SHANK1: variants seen among roughly 807,000 people sequenced by gnomAD.
SHANK1 encodes the protein SH3 and multiple ankyrin repeat domains protein 1.
A neutral mutation model predicts 165.6 loss-of-function variants in SHANK1; 35 were observed. That is an observed-to-expected ratio of 0.21 (90% CI 0.16 to 0.28). SHANK1 has a LOEUF of 0.28. SHANK1 is among the 10% of genes least tolerant of loss of function. The probability of loss-of-function intolerance (pLI) is 1.00; values close to 1 mark genes in which losing one functional copy is unlikely to be tolerated. For missense variants in SHANK1, 2,681 were observed against 3,036.4 expected (o/e 0.88, Z 2.75); for synonymous variants, 1,428 against 1,384.8 (o/e 1.03, Z -0.69).
rs894516720 is a variant in SHANK1 at position 50,666,526 on chromosome 19, C to A, written c.5434G>T (p.Ala1812Ser). 8 of 1,587,514 alleles carry A rather than the reference C, an allele frequency of 5.0e-6. No individual in the cohort carries two copies. Among genetic ancestry groups the A allele is most frequent in the Non-Finnish European group, 6.8e-6 (8 of 1,169,962 alleles). ...ACSGPPTAGVAGGPVAVEPEV... is the reference protein window; with the variant it reads ...ACSGPPTAGVSGGPVAVEPEV... ...GGCTCTACAGCCACCGGACCCCCCG[C>A]CACGCCTGCCGTGGGGGGTCCTGAA... The change falls in exon 23 of 24, where the codon GCG (alanine) becomes TCG (serine). Residue 1812 changes from alanine (A) to serine (S), a missense_variant. Transcript: ENST00000293441.
In SHANK1 at chr19:50,702,764, G is replaced by T; in HGVS notation, c.1554-104C>A. 1.4e-6 allele frequency: 1 copy of T among 719,476 alleles called. No individual in the cohort carries two copies. The highest frequency in any genetic ancestry group is 2.2e-6 in the Non-Finnish European group (1 of 448,228). 44.6% of individuals were successfully genotyped at this position (719,476 alleles called of 1,614,324 possible). A position where few individuals can be genotyped will look rare whatever the true frequency, so the allele number is the denominator to read the frequency against. On this transcript the variant is annotated intron_variant, in intron 11 of 23. Transcript: ENST00000293441. The surrounding 1 kb of genome is among the most constrained non-coding windows in gnomAD (Gnocchi z 5.3). ...GGGAAGAGGACGGTGCATCAGGGGG[G>T]AGGGGGGGTTTCCCAGCACTGGCGT...
intron 21 of SHANK1, among the ~76,000 whole-genome samples, chr19:50,679,067 A>G (rs186681878): frequency 0.021 from 83 of 4,036 alleles, no homozygotes; most frequent in African/African-American, 0.067. Flanking sequence ...AGGGGTCAAG[A>G]TGATGGGGAG....
Position 50,666,590 on chromosome 19 carries a change from T to C in SHANK1, c.5370A>G (p.Thr1790=). ...VTPTSPTVSV[T]GAGTDGLLAL... is the part of the protein sequence containing the mutation. Reference sequence around the variant, plus strand: ...CCAGCAGCCCATCGGTTCCAGCCCCTGTCACCGAGACGGTGGGGCTGGTGG... The same window carrying C: ...CCAGCAGCCCATCGGTTCCAGCCCCCGTCACCGAGACGGTGGGGCTGGTGG... Residue 1790 remains threonine, a synonymous_variant, in exon 23 of 24, where the codon ACA becomes ACG. Transcript: ENST00000293441. 6.2e-7 allele frequency: 1 copy of C among 1,601,028 alleles called. No homozygotes were observed. Among genetic ancestry groups the C allele is most frequent in the East Asian group, 2.2e-5 (1 of 44,522 alleles).
intron 21 of SHANK1, among the ~76,000 whole-genome samples, chr19:50,673,055 C>T (rs561707794): frequency 7.4e-4 from 112 of 152,218 alleles, no homozygotes; most frequent in Non-Finnish European, 4.9e-4. Context: ...GTCCTGGACT[C>T]GCCCAGTCCG....
rs1985755086 is a variant in SHANK1 at position 50,670,626 on chromosome 19, T to A, written c.2675-1341A>T. ...TCGGGACCCTGTCCCCCCACTGCCCTCATGTCCAGTGCTCACTTGGCCCCT... is the reference window on the plus strand; with the variant it reads ...TCGGGACCCTGTCCCCCCACTGCCCACATGTCCAGTGCTCACTTGGCCCCT... On this transcript the variant is annotated intron_variant, in intron 22 of 23. Coordinates refer to ENST00000293441, the MANE Select transcript of SHANK1 (RefSeq NM_016148.5). The surrounding 1 kb of genome is among the most constrained non-coding windows in gnomAD (Gnocchi z 4.1). Among the ~76,000 whole-genome samples, 1 of 147,644 alleles carries A rather than the reference T, an allele frequency of 6.8e-6. No homozygotes were observed. The highest frequency in any genetic ancestry group is 1.5e-5 in the Non-Finnish European group (1 of 65,944).
chr19:50,711,333 G>A (rs2089007502), intron 8 of SHANK1, 38 bp downstream of exon 8: 1 of 1,426,730 alleles, frequency 7.0e-7, no homozygotes, highest in Non-Finnish European at 9.7e-7. Flanking sequence ...CGGCTATCGG[G>A]GATGTGAGGG....
rs901986560 is a variant in SHANK1 at position 50,713,715 on chromosome 19, C to T, written c.792+83G>A. ...TGAGAGGGCCTATTTTTAACTGAAA[C>T]CAAAGAACTGAGGTTTGAGAAAGAA... On this transcript the variant is annotated intron_variant, in intron 6 of 23. Transcript: ENST00000293441. This position sits in a 1 kb window ranked among gnomAD's most constrained non-coding sequence, Gnocchi z 6.2. 1.9e-5 allele frequency: 29 copies of T among 1,558,628 alleles called. No homozygotes were observed. The African/African-American group carries it at 3.5e-4, about 19-fold the overall frequency.
intron 12 of SHANK1, among the ~76,000 whole-genome samples, chr19:50,698,375 T>G (rs1986805984): frequency 6.6e-6 from 1 of 152,146 alleles, no homozygotes; most frequent in Non-Finnish European, 1.5e-5. Flanking sequence ...CAAAGTCTCC[T>G]TGCCACTTAA....
chr19:50,680,624 C>G (rs1986145587), intron 21 of SHANK1, among the ~76,000 whole-genome samples: 1 of 151,858 alleles, frequency 6.6e-6, no homozygotes, highest in South Asian at 2.1e-4. Context: ...GGGTTGAAAT[C>G]TCCCAGTTTC....
At chr19:50,696,312 C>T (rs1302132851) in intron 15 of SHANK1, among the ~76,000 whole-genome samples, 10 of 152,130 alleles carry the variant, frequency 6.6e-5, no homozygotes, top group African/African-American at 9.7e-5. Context: ...GAGCAGGAGA[C>T]GCGCCAGGCA....
chr19:50,672,999 G>T (rs531300350), intron 21 of SHANK1, among the ~76,000 whole-genome samples: 1 of 152,192 alleles, frequency 6.6e-6, no homozygotes, highest in African/African-American at 2.4e-5. Flanking sequence ...ACCCACTGCT[G>T]GGAGGGTCAC....
Position 50,703,584 on chromosome 19 carries a change from C to A in SHANK1, c.1469G>T (p.Ser490Ile). The A allele has an allele frequency of 6.4e-7, 1 of 1,558,600 alleles. No individual in the cohort carries two copies. Among genetic ancestry groups the A allele is most frequent in the Middle Eastern group, 1.7e-4 (1 of 5,856 alleles). The change falls in exon 11 of 24, where the codon AGC (serine) becomes ATC (isoleucine). Residue 490 changes from serine to isoleucine, a missense_variant. Coordinates refer to ENST00000293441, the MANE Select transcript of SHANK1 (RefSeq NM_016148.5). ...GCGGGCCCTGGCACCCCGGGGGCTG[C>A]TGGCACTTCGGAGGGTCCCGCTGCT... The part of the protein sequence containing the change: ...KLSSGTLRSA[S>I]SPRGARARSP...
At position 50,667,786 on chromosome 19, in the gene SHANK1, G is replaced by A; in HGVS notation, c.4174C>T (p.Pro1392Ser). The A allele has an allele frequency of 1.5e-6, 2 of 1,297,980 alleles. No homozygotes were observed. Among genetic ancestry groups the A allele is most frequent in the Non-Finnish European group, 9.7e-7 (1 of 1,028,224 alleles). The allele number at this position is 1,297,980 out of a possible 1,614,324, so 80.4% of individuals were successfully genotyped here. A position where few individuals can be genotyped will look rare whatever the true frequency, so the allele number is the denominator to read the frequency against. ...SPRYEAPPPTPHHHSPHAHHE... is the reference protein window; with the variant it reads ...SPRYEAPPPTSHHHSPHAHHE... ...TGGGCGTGGGGCGAGTGGTGGTGCG[G>A]GGTGGGCGGCGGGGCCTCGTAGCGG... The change falls in exon 23 of 24, where the codon CCG (proline) becomes TCG (serine). Residue 1392 changes from proline to serine, a missense_variant. Pro to Ser is a moderately conservative substitution (Grantham distance 74). This residue lies in a region of SHANK1 where 1,713 missense variants were observed against 1,630.2 expected (regional missense o/e 1.05). Coordinates refer to ENST00000293441, the MANE Select transcript of SHANK1 (RefSeq NM_016148.5). This position sits in a 1 kb window ranked among gnomAD's most constrained non-coding sequence, Gnocchi z 5.7.
Position 50,667,026 on chromosome 19 carries a change from G to A in SHANK1, c.4934C>T (p.Pro1645Leu). 6.4e-7 allele frequency: 1 copy of A among 1,551,560 alleles called. No individual in the cohort carries two copies. The highest frequency in any genetic ancestry group is 8.7e-7 in the Non-Finnish European group (1 of 1,152,092). Residue 1645 changes from proline (P) to leucine (L), a missense_variant, in exon 23 of 24, where the codon CCC becomes CTC. Pro to Leu is a moderately conservative substitution (Grantham distance 98, BLOSUM62 -3). Transcript: ENST00000293441. The surrounding 1 kb of genome is among the most constrained non-coding windows in gnomAD (Gnocchi z 5.7). ...TQGASAAPGDPHPPGPPAPAA... is the reference protein window; with the variant it reads ...TQGASAAPGDLHPPGPPAPAA... ...TGGGGCAGGCGGGCCTGGTGGATGG[G>A]GGTCCCCAGGAGCGGCGGAGGCCCC...
chr19:50,687,494 C>T, intron 19 of SHANK1, 88 bp downstream of exon 19: 1 of 1,048,850 alleles, frequency 9.5e-7, no homozygotes, highest in Non-Finnish European at 1.4e-6. Flanking sequence ...CCCCTGGTCA[C>T]TAACAACACT....
chr19:50,672,179 G>T, intron 21 of SHANK1, 65 bp from the exon 22 acceptor site: 1 of 1,297,462 alleles, frequency 7.7e-7, no homozygotes, highest in African/African-American at 1.5e-5. Flanking sequence ...AGCGCAGAAA[G>T]GCTTGTGGCT....
intron 10 of SHANK1, 69 bp from the exon 11 acceptor site, chr19:50,703,899 G>T: frequency 2.8e-6 from 2 of 724,228 alleles, no homozygotes; most frequent in Non-Finnish European, 4.5e-6. Context: ...GCCATGCGGG[G>T]GCAAGAGATG....
At position 50,711,495 on chromosome 19, in the gene SHANK1, GGACAGGGAGCGAGGGGCATGGATCAGA is replaced by G. The variant is rs2089010273; in HGVS notation, c.961-35_961-9del. The G allele has an allele frequency of 6.4e-7, 1 of 1,567,450 alleles. No homozygotes were observed. The highest frequency in any genetic ancestry group is 1.8e-5 in the Admixed American group (1 of 54,470). On this transcript the variant is annotated splice_polypyrimidine_tract_variant and intron_variant, in intron 7 of 23. Coordinates refer to ENST00000293441, the MANE Select transcript of SHANK1 (RefSeq NM_016148.5). ...GTGACCCCGCTGGCAGGCCTGGGCA[GGACAGGGAGCGAGGGGCATGGATCAGA>G]CCCAGGCTGTTCTCCCTCTGGGCCA... is the stretch of plus-strand genomic sequence containing the variant.
At position 50,688,179 on chromosome 19, in the gene SHANK1, C is replaced by T. The variant is rs571038371; in HGVS notation, c.2173-121G>A. 1.7e-5 allele frequency: 21 copies of T among 1,235,720 alleles called. 1 individual carries two copies. In the Admixed American group the frequency reaches 4.0e-4, roughly 24 times the overall value. The allele number at this position is 1,235,720 out of a possible 1,614,324, so 76.5% of individuals were successfully genotyped here. ...TGTCCATGGCCCTCTGGGCTATGTT[C>T]CTCTCCCTCCGACCCTTCATACCAC... On this transcript the variant is annotated intron_variant, in intron 17 of 23. Coordinates refer to ENST00000293441, the MANE Select transcript of SHANK1 (RefSeq NM_016148.5). The surrounding 1 kb of genome is among the most constrained non-coding windows in gnomAD (Gnocchi z 6.7).
Sources: gnomAD v4.1 joint callset for allele counts (sites outside exome capture counted in the v4.1 genomes callset) on GRCh38, gnomAD v4.1.1 for gene constraint, gnomAD v4.1.1 regional missense constraint, Gnocchi (gnomAD v3.1) non-coding constraint, MANE v1.5 for transcripts, NCBI Gene and HGNC (gene_info 2026-07-23, HGNC 2026-07-21) for gene names.